ANKRD13C: variants seen among roughly 807,000 people sequenced by gnomAD.
ANKRD13C encodes ankyrin repeat domain-containing protein 13C.
Under a neutral mutation model 65.5 loss-of-function variants are expected in ANKRD13C, and 16 were observed. The observed-to-expected ratio is 0.24, with a 90% CI of 0.17 to 0.37. The LOEUF (loss-of-function observed/expected upper bound fraction) is 0.37. Among genes scored for constraint, ANKRD13C ranks in the 10% least tolerant of loss-of-function variants. The pLI is 1.00. For missense variants in ANKRD13C, 503 were observed against 655.9 expected (o/e 0.77, Z 2.55); for synonymous variants, 235 against 238.7 (o/e 0.98, Z 0.14).
rs528464453 is a variant in ANKRD13C at position 70,313,636 on chromosome 1, C to T, written c.709+109G>A. On this transcript the variant is annotated intron_variant, in intron 5 of 12. Coordinates refer to ENST00000370944, the MANE Select transcript of ANKRD13C (RefSeq NM_030816.5). The stretch of plus-strand genomic sequence containing the variant: ...CAATGTCATGAAAAATACTTTTCCT[C>T]ACAGCAAGTATTAAATTTGTTATCC... The T allele has an allele frequency of 2.2e-5, 17 of 782,786 alleles. No homozygotes were observed. In the African/African-American group the frequency reaches 2.6e-4, roughly 12 times the overall value. The allele number at this position is 782,786 out of a possible 1,614,324, so 48.5% of individuals were successfully genotyped here.
At chr1:70,320,575 C>A (rs1681262836) in intron 3 of ANKRD13C, among the ~76,000 whole-genome samples, 1 of 151,744 alleles carries the variant, frequency 6.6e-6, no homozygotes, top group African/African-American at 2.4e-5. Flanking sequence ...GCTCAAGCGA[C>A]CCACCTGTCT....
chr1:70,325,257 A>G (rs965802111), intron 2 of ANKRD13C, among the ~76,000 whole-genome samples: 38 of 152,150 alleles, frequency 2.5e-4, no homozygotes, highest in Admixed American at 6.6e-4. Flanking sequence ...TCATACTCTA[A>G]AAGATAACCC....
At chr1:70,341,363 GTT>G (rs35739788) in intron 1 of ANKRD13C, among the ~76,000 whole-genome samples, 1,160 of 109,132 alleles carry the variant, frequency 0.011, 5 homozygotes, top group African/African-American at 0.038. Flanking sequence ...CTTTTTGTGT[GTT>G]TTTTTTTTTT....
At chr1:70,296,287 T>C (rs1223011555) in intron 7 of ANKRD13C, 26 bp from the exon 8 acceptor site, 1 of 1,596,838 alleles carries the variant, frequency 6.3e-7, no homozygotes, top group Non-Finnish European at 8.5e-7. Context: ...AAGTTAAATA[T>C]AAAAATCTAG....
chr1:70,346,274 C>T (rs1458561923), intron 1 of ANKRD13C, among the ~76,000 whole-genome samples: 1 of 152,058 alleles, frequency 6.6e-6, no homozygotes. Flanking sequence ...ATAATTTTTA[C>T]AGTTTCATCA....
chr1:70,338,404 T>G (rs12032706), intron 1 of ANKRD13C, among the ~76,000 whole-genome samples: 16,938 of 151,760 alleles, frequency 0.11, 1,166 homozygotes, highest in East Asian at 0.33. Flanking sequence ...AGAACAATTT[T>G]TGTGTGTGTG....
At chr1:70,315,607 T>C in intron 3 of ANKRD13C, 41 bp from the exon 4 acceptor site, 1 of 1,520,730 alleles carries the variant, frequency 6.6e-7, no homozygotes, top group Non-Finnish European at 9.0e-7. Flanking sequence ...TAAATTTTCA[T>C]CATGCAGTAA....
chr1:70,327,383 GAAA>G (rs941006857), intron 2 of ANKRD13C, among the ~76,000 whole-genome samples: 8 of 152,148 alleles, frequency 5.3e-5, no homozygotes, highest in Non-Finnish European at 1.2e-4. Flanking sequence ...AACATGGAGA[GAAA>G]ATGATCAGGC....
chr1:70,352,242 A>G (rs1024631867), intron 1 of ANKRD13C, among the ~76,000 whole-genome samples: 2 of 146,162 alleles, frequency 1.4e-5, no homozygotes, highest in African/African-American at 2.5e-5. Flanking sequence ...CAGGAGGCTG[A>G]GGCAGGAGAA....
Position 70,303,260 on chromosome 1 carries a change from C to G in ANKRD13C, c.777-2352G>C, listed in dbSNP as rs555061313. 3.3e-5 allele frequency among the ~76,000 whole-genome samples: 5 copies of G among 152,202 alleles called. No homozygotes were observed. The South Asian group carries it at 1.0e-3, about 32-fold the overall frequency. On this transcript the variant is annotated intron_variant, in intron 6 of 12. Coordinates refer to ENST00000370944, the MANE Select transcript of ANKRD13C (RefSeq NM_030816.5). ...TGCCTCAGTAAATAATGTTAATTAT[C>G]ACGATAACATTTTAAAGTCCTCACT...
chr1:70,345,972 T>C (rs1682510329), intron 1 of ANKRD13C, among the ~76,000 whole-genome samples: 1 of 152,136 alleles, frequency 6.6e-6, no homozygotes, highest in Admixed American at 6.6e-5. Context: ...CAAACTTTTT[T>C]CTAATACTTT....
intron 9 of ANKRD13C, among the ~76,000 whole-genome samples, chr1:70,291,618 T>C (rs1016378217): frequency 1.3e-5 from 2 of 152,104 alleles, no homozygotes; most frequent in Non-Finnish European, 2.9e-5. Context: ...ATGAAGTAGA[T>C]GGATCTTTAG....
In ANKRD13C at chr1:70,334,835, G is replaced by A. The variant is rs538600662; in HGVS notation, c.472+1223C>T. Among the ~76,000 whole-genome samples, 14 of 152,074 alleles carry A rather than the reference G, an allele frequency of 9.2e-5. No homozygotes were observed. The East Asian group carries it at 2.5e-3, about 27-fold the overall frequency. ...GCAGGAGAGTCGCTTGAACCTGGGAGGCAGAGATTGTGGTGAGCCAAGATT... is the reference window on the plus strand; with the variant it reads ...GCAGGAGAGTCGCTTGAACCTGGGAAGCAGAGATTGTGGTGAGCCAAGATT... On this transcript the variant is annotated intron_variant, in intron 2 of 12. Transcript: ENST00000370944.
chr1:70,307,502 T>C (rs1680637519), intron 5 of ANKRD13C, among the ~76,000 whole-genome samples: 1 of 152,222 alleles, frequency 6.6e-6, no homozygotes, highest in African/African-American at 2.4e-5. Context: ...CTCCTTTAGA[T>C]CCTTAGAAAC....
In ANKRD13C at chr1:70,354,506, G is replaced by A. The variant is rs1682913928; in HGVS notation, c.-98C>T. ...AAGGCGATTAGAGCGGTGGCCAAGA[G>A]CCTCCAGCGCAGCATGAACTCCCAC... is the stretch of plus-strand genomic sequence containing the variant. On this transcript the variant is annotated 5_prime_UTR_variant, in exon 1 of 13. Coordinates refer to ENST00000370944, the MANE Select transcript of ANKRD13C (RefSeq NM_030816.5). The A allele has an allele frequency of 6.8e-7, 1 of 1,462,794 alleles. No individual in the cohort carries two copies. Among genetic ancestry groups the A allele is most frequent in the Non-Finnish European group, 9.0e-7 (1 of 1,112,634 alleles). 90.6% of individuals were successfully genotyped at this position (1,462,794 alleles called of 1,614,324 possible).
At chr1:70,313,704 C>A in intron 5 of ANKRD13C, 41 bp downstream of exon 5, 1 of 1,445,850 alleles carries the variant, frequency 6.9e-7, no homozygotes, top group Non-Finnish European at 9.7e-7. Context: ...TGCATTTCTG[C>A]ATAAGTACAT....
intron 5 of ANKRD13C, among the ~76,000 whole-genome samples, chr1:70,313,491 C>G (rs1446951572): frequency 6.7e-6 from 1 of 149,118 alleles, no homozygotes; most frequent in Admixed American, 6.8e-5. Flanking sequence ...GATCGTACCA[C>G]TGCACTCCAG....
At position 70,297,286 on chromosome 1, in the gene ANKRD13C, GATTT is replaced by G. The variant is rs1461333598; in HGVS notation, c.922-1029_922-1026del. ...TTTAACCTACATAGAGTCCCTTTCT[GATTT>G]TTTTTTTTTTTTTTTTTTTTTGAGA... On this transcript the variant is annotated intron_variant, in intron 7 of 12. Coordinates refer to ENST00000370944, the MANE Select transcript of ANKRD13C (RefSeq NM_030816.5). Among the ~76,000 whole-genome samples the G allele has an allele frequency of 5.6e-5, 7 of 125,098 alleles. No homozygotes were observed. In the East Asian group the frequency reaches 8.0e-4, roughly 14 times the overall value. The allele number at this position is 125,098 out of a possible 152,430, so 82.1% of individuals were successfully genotyped here.
chr1:70,349,659 GAACTA>G (rs2101640495), intron 1 of ANKRD13C, among the ~76,000 whole-genome samples: 1 of 152,120 alleles, frequency 6.6e-6, no homozygotes, highest in South Asian at 2.1e-4. Flanking sequence ...CTTATGAACT[GAACTA>G]AATAGTGACC....
Sources: gnomAD v4.1 joint callset for allele counts (sites outside exome capture counted in the v4.1 genomes callset) on GRCh38, gnomAD v4.1.1 for gene constraint, MANE v1.5 for transcripts, NCBI Gene and HGNC (gene_info 2026-07-23, HGNC 2026-07-21) for gene names.